ADAMTS3: variants seen among roughly 807,000 people sequenced by gnomAD.
The protein encoded by ADAMTS3 is ADAM metallopeptidase with thrombospondin type 1 motif 3, also known as A disintegrin and metalloproteinase with thrombospondin motifs 3.
ADAMTS3 carries 73 observed loss-of-function variants against 129.0 expected under a neutral mutation model. The observed-to-expected ratio is 0.57, with a 90% CI of 0.47 to 0.69. ADAMTS3 has a LOEUF of 0.69. Ranked by LOEUF, ADAMTS3 falls within the 30% of genes least tolerant of loss-of-function variation. The pLI, the probability that ADAMTS3 is intolerant of heterozygous loss-of-function variation, is 0.00. For synonymous variants in ADAMTS3, 477 were observed against 510.8 expected (o/e 0.93, Z 0.89); for missense variants, 1,457 against 1,514.5 (o/e 0.96, Z 0.63).
chr4:72,492,922 T>C (rs954177801), intron 3 of ADAMTS3, among the ~76,000 whole-genome samples: 12 of 151,990 alleles, frequency 7.9e-5, no homozygotes, highest in African/African-American at 2.9e-4. Context: ...GGTGTGTTTA[T>C]ACTTATAACT....
intron 3 of ADAMTS3, among the ~76,000 whole-genome samples, chr4:72,447,443 C>T (rs893534013): frequency 6.6e-6 from 1 of 151,728 alleles, no homozygotes; most frequent in African/African-American, 2.4e-5. Context: ...TTATTTCACT[C>T]TCTGAACAGA....
intron 3 of ADAMTS3, among the ~76,000 whole-genome samples, chr4:72,459,030 GTTC>G (rs1718696558): frequency 6.6e-6 from 1 of 151,670 alleles, no homozygotes; most frequent in Non-Finnish European, 1.5e-5. Context: ...TATACAAAAA[GTTC>G]TTTTTACTTC....
chr4:72,475,022 G>C (rs575898949), intron 3 of ADAMTS3, among the ~76,000 whole-genome samples: 1 of 146,908 alleles, frequency 6.8e-6, no homozygotes, highest in East Asian at 2.0e-4. Context: ...GCGAGACTCC[G>C]TCTAAAAAAA....
chr4:72,468,539 G>T (rs1718980630), intron 3 of ADAMTS3, among the ~76,000 whole-genome samples: 1 of 151,886 alleles, frequency 6.6e-6, no homozygotes, highest in South Asian at 2.1e-4. Context: ...TATATTAAAA[G>T]ACTCCCCATA....
intron 3 of ADAMTS3, among the ~76,000 whole-genome samples, chr4:72,513,062 A>G (rs1720359593): frequency 6.6e-6 from 1 of 152,140 alleles, no homozygotes; most frequent in Admixed American, 6.6e-5. Context: ...CTCCTTTAAA[A>G]GTTCCATGTC....
At chr4:72,353,407 C>G (rs1720494361) in intron 4 of ADAMTS3, among the ~76,000 whole-genome samples, 1 of 152,024 alleles carries the variant, frequency 6.6e-6, no homozygotes, top group African/African-American at 2.4e-5. Flanking sequence ...TATGGAGACA[C>G]TGTAAAAACA....
At chr4:72,549,971 GA>G (rs1235915189) in intron 2 of ADAMTS3, among the ~76,000 whole-genome samples, 1 of 26,988 alleles carries the variant, frequency 3.7e-5, no homozygotes, top group African/African-American at 2.6e-4. Flanking sequence ...AAAAGAAGAA[GA>G]AGAAGAAGAA....
At chr4:72,304,976 G>A (rs1244346771) in intron 16 of ADAMTS3, among the ~76,000 whole-genome samples, 1 of 151,964 alleles carries the variant, frequency 6.6e-6, no homozygotes, top group East Asian at 1.9e-4. Context: ...ACGACATTTA[G>A]TAGTGAATAT....
intron 15 of ADAMTS3, among the ~76,000 whole-genome samples, chr4:72,308,757 T>C (rs191406480): frequency 4.6e-5 from 7 of 151,914 alleles, no homozygotes; most frequent in African/African-American, 1.7e-4. Flanking sequence ...AGACAGCTTT[T>C]TGTTCCACCT....
At chr4:72,431,055 A>G (rs1164847108) in intron 3 of ADAMTS3, among the ~76,000 whole-genome samples, 1 of 152,004 alleles carries the variant, frequency 6.6e-6, no homozygotes, top group Non-Finnish European at 1.5e-5. Context: ...TAGACTTATT[A>G]GAACAACCAT....
chr4:72,449,943 A>G (rs1272320531), intron 3 of ADAMTS3, among the ~76,000 whole-genome samples: 3 of 151,502 alleles, frequency 2.0e-5, no homozygotes, highest in Non-Finnish European at 4.4e-5. Context: ...GTCATGTAAC[A>G]CTAAACTTAT....
chr4:72,561,474 C>T (rs1006598597), intron 2 of ADAMTS3, among the ~76,000 whole-genome samples: 1 of 151,808 alleles, frequency 6.6e-6, no homozygotes, highest in African/African-American at 2.4e-5. Flanking sequence ...CACTGCACTC[C>T]AGCTTCTGTT....
intron 3 of ADAMTS3, among the ~76,000 whole-genome samples, chr4:72,447,865 C>A (rs1006645007): frequency 6.6e-6 from 1 of 151,716 alleles, no homozygotes; most frequent in Non-Finnish European, 1.5e-5. Context: ...AAAAATGTAA[C>A]CACTTATTTT....
chr4:72,329,942 G>A (rs556660887), intron 5 of ADAMTS3, among the ~76,000 whole-genome samples: 4 of 152,170 alleles, frequency 2.6e-5, no homozygotes, highest in African/African-American at 9.6e-5. Context: ...CCTGATACAT[G>A]TTTCCCCTGC....
intron 3 of ADAMTS3, among the ~76,000 whole-genome samples, chr4:72,503,127 G>A (rs189995112): frequency 4.9e-4 from 75 of 152,058 alleles, no homozygotes; most frequent in African/African-American, 1.5e-3. Flanking sequence ...AGGTTCAAGC[G>A]ATTCTCTGCC....
intron 3 of ADAMTS3, among the ~76,000 whole-genome samples, chr4:72,417,523 C>T (rs16847889): frequency 0.036 from 5,554 of 152,220 alleles, 122 homozygotes; most frequent in Non-Finnish European, 0.048. Context: ...CAAACTGAGT[C>T]AGTATTAGTG....
At chr4:72,338,734 A>T (rs78183725) in intron 5 of ADAMTS3, among the ~76,000 whole-genome samples, 1 of 152,068 alleles carries the variant, frequency 6.6e-6, no homozygotes, top group African/African-American at 2.4e-5. Flanking sequence ...TATATATTTC[A>T]TATTGGCATG....
intron 3 of ADAMTS3, among the ~76,000 whole-genome samples, chr4:72,451,115 C>T (rs1198384653): frequency 2.0e-5 from 3 of 151,712 alleles, no homozygotes; most frequent in Admixed American, 6.6e-5. Flanking sequence ...ATAGCATACC[C>T]TTTCATGAAA....
chr4:72,383,596 G>T (rs1721357051), intron 4 of ADAMTS3, among the ~76,000 whole-genome samples: 1 of 152,164 alleles, frequency 6.6e-6, no homozygotes, highest in Non-Finnish European at 1.5e-5. Flanking sequence ...ATGTGTTCGA[G>T]GCGGACTCTA....
Sources: gnomAD v4.1 joint callset for allele counts (sites outside exome capture counted in the v4.1 genomes callset) on GRCh38, gnomAD v4.1.1 for gene constraint, MANE v1.5 for transcripts, NCBI Gene and HGNC (gene_info 2026-07-23, HGNC 2026-07-21) for gene names.